The following SLC24A2 variants were observed in gnomAD, a reference collection of about 807,000 sequenced individuals.
SLC24A2 encodes sodium/potassium/calcium exchanger 2.
Under a neutral mutation model 62.0 loss-of-function variants are expected in SLC24A2, and 36 were observed. The ratio of observed to expected loss-of-function variants is 0.58; its 90% confidence interval spans 0.44 to 0.77. SLC24A2 has a LOEUF of 0.77. Ranked by LOEUF, SLC24A2 falls within the 30% of genes least tolerant of loss-of-function variation. SLC24A2 has a pLI of 0.00. For synonymous variants in SLC24A2, 358 were observed against 294.0 expected (o/e 1.22, Z -2.23); for missense variants, 846 against 817.9 (o/e 1.03, Z -0.42).
chr9:20,126,519 T>TTTAGAA, the SLC24A2 span, among the ~76,000 whole-genome samples: 2 of 152,208 alleles, frequency 1.3e-5, no homozygotes, highest in South Asian at 4.1e-4. Flanking sequence ...CCATAAATTC[T>TTTAGAA]TTTTAGAATT....
chr9:20,123,762 CCTT>C, the SLC24A2 span, among the ~76,000 whole-genome samples: 1 of 152,130 alleles, frequency 6.6e-6, no homozygotes, highest in Non-Finnish European at 1.5e-5. Context: ...AATTATTTCT[CCTT>C]CTCTAAAAAT....
At chr9:19,614,144 G>C (rs1245765259) in intron 4 of SLC24A2, among the ~76,000 whole-genome samples, 2 of 152,138 alleles carry the variant, frequency 1.3e-5, no homozygotes, top group Non-Finnish European at 2.9e-5. Flanking sequence ...AAATATAAAG[G>C]CTTGTTTAGA....
At chr9:20,219,063 G>C in the SLC24A2 span, among the ~76,000 whole-genome samples, 1 of 152,256 alleles carries the variant, frequency 6.6e-6, no homozygotes, top group Non-Finnish European at 1.5e-5. Flanking sequence ...CATTGTATGT[G>C]AGGGTGAGAG....
chr9:20,021,387 A>G, the SLC24A2 span, among the ~76,000 whole-genome samples: 3 of 152,046 alleles, frequency 2.0e-5, no homozygotes, highest in African/African-American at 4.8e-5. Context: ...ATACATGTAT[A>G]TAATCATACA....
intron 2 of SLC24A2, among the ~76,000 whole-genome samples, chr9:19,743,224 T>G (rs1468237936): frequency 6.6e-6 from 1 of 152,188 alleles, no homozygotes; most frequent in Non-Finnish European, 1.5e-5. Context: ...TACGGCTGAG[T>G]TGGACAACTA....
At chr9:19,734,342 T>A (rs1363127749) in intron 2 of SLC24A2, among the ~76,000 whole-genome samples, 1 of 152,228 alleles carries the variant, frequency 6.6e-6, no homozygotes, top group Non-Finnish European at 1.5e-5. Context: ...TTTGTTCTTT[T>A]GGCTTCGGAT....
rs796832244 is a variant in SLC24A2 at position 19,510,350 on chromosome 9, T to C, written c.*5803A>G. 3 of 149,228 alleles carry C rather than the reference T, an allele frequency of 2.0e-5. No homozygotes were observed. The highest frequency in any genetic ancestry group is 7.5e-5 in the African/African-American group (3 of 40,156). The allele number at this position is 149,228 out of a possible 1,614,324, so 9.2% of individuals were successfully genotyped here. On this transcript the variant is annotated 3_prime_UTR_variant, in exon 11 of 11. Transcript: ENST00000341998. ...AATAAAAATCTAAAGATAATTTTAA[T>C]TGAAAATAGGTAAAGAGTCACATAG...
the SLC24A2 span, among the ~76,000 whole-genome samples, chr9:20,230,725 C>G: frequency 6.6e-6 from 1 of 152,146 alleles, no homozygotes; most frequent in Non-Finnish European, 1.5e-5. Flanking sequence ...TGTGCAGAAG[C>G]TCTTTAGTTT....
the SLC24A2 span, among the ~76,000 whole-genome samples, chr9:20,177,301 T>C: frequency 6.6e-6 from 1 of 152,150 alleles, no homozygotes; most frequent in African/African-American, 2.4e-5. Flanking sequence ...AAAATGTTAA[T>C]CCAAACCTGT....
At chr9:19,670,690 C>G (rs928888867) in intron 2 of SLC24A2, among the ~76,000 whole-genome samples, 4 of 152,150 alleles carry the variant, frequency 2.6e-5, no homozygotes, top group Non-Finnish European at 5.9e-5. Flanking sequence ...AGAACATTCC[C>G]AGGCCCATAA....
the SLC24A2 span, among the ~76,000 whole-genome samples, chr9:19,911,106 C>T: frequency 7.3e-6 from 1 of 136,444 alleles, no homozygotes; most frequent in Admixed American, 8.3e-5. Flanking sequence ...TGTGATGTTC[C>T]CTTTCCTGTG....
the SLC24A2 span, among the ~76,000 whole-genome samples, chr9:19,847,211 A>G: frequency 6.6e-6 from 1 of 152,192 alleles, no homozygotes; most frequent in Non-Finnish European, 1.5e-5. Flanking sequence ...AAAGAGTATA[A>G]ATTTCTGCAT....
the SLC24A2 span, among the ~76,000 whole-genome samples, chr9:20,159,662 G>C: frequency 6.6e-6 from 1 of 151,388 alleles, no homozygotes; most frequent in Non-Finnish European, 1.5e-5. Context: ...TCCTTGTATA[G>C]GGAATAGGTG....
At chr9:19,696,075 G>A (rs1373782671) in intron 2 of SLC24A2, among the ~76,000 whole-genome samples, 1 of 152,152 alleles carries the variant, frequency 6.6e-6, no homozygotes, top group African/African-American at 2.4e-5. Flanking sequence ...TTTGTCTCCT[G>A]TCAGATCAGT....
the SLC24A2 span, among the ~76,000 whole-genome samples, chr9:20,144,909 T>C: frequency 1.3e-5 from 2 of 152,150 alleles, no homozygotes; most frequent in Non-Finnish European, 2.9e-5. Flanking sequence ...CTTGATTAGA[T>C]GGCTTGAAGA....
intron 4 of SLC24A2, among the ~76,000 whole-genome samples, chr9:19,610,528 C>A (rs1363331964): frequency 2.6e-5 from 4 of 152,140 alleles, no homozygotes; most frequent in Non-Finnish European, 5.9e-5. Context: ...AAGAGAGGAA[C>A]AAGGAGATGG....
the SLC24A2 span, among the ~76,000 whole-genome samples, chr9:19,946,884 CTA>C: frequency 1.3e-5 from 2 of 152,070 alleles, no homozygotes; most frequent in African/African-American, 2.4e-5. Flanking sequence ...GTTGTTACTG[CTA>C]TGTTTGTGTG....
rs189478327 is a variant in SLC24A2 at position 19,524,564 on chromosome 9, C to T, written c.1569+3485G>A. ...AAAAGAGTTGAACACTATATAACTGCTATGGATTTTATAGTTCAGAAGTAC... is the reference window on the plus strand; with the variant it reads ...AAAAGAGTTGAACACTATATAACTGTTATGGATTTTATAGTTCAGAAGTAC... On this transcript the variant is annotated intron_variant, in intron 9 of 10. Transcript: ENST00000341998. Among the ~76,000 whole-genome samples the T allele has an allele frequency of 2.0e-5, 3 of 152,210 alleles. No individual in the cohort carries two copies. In the East Asian group the frequency reaches 5.8e-4, roughly 29 times the overall value.
the SLC24A2 span, among the ~76,000 whole-genome samples, chr9:20,188,463 G>A: frequency 6.6e-6 from 1 of 152,228 alleles, no homozygotes; most frequent in Non-Finnish European, 1.5e-5. Context: ...AGTGTGGTAA[G>A]CAGAATAATG....
Sources: allele counts gnomAD v4.1 joint callset (sites outside exome capture counted in the v4.1 genomes callset), GRCh38; gene constraint gnomAD v4.1.1; transcripts MANE v1.5; gene names NCBI Gene and HGNC (gene_info 2026-07-23, HGNC 2026-07-21).